AASS: variants seen among roughly 807,000 people sequenced by gnomAD.
AASS encodes the protein aminoadipate-semialdehyde synthase.
In AASS, 86 loss-of-function variants were observed where a neutral mutation model predicts 105.4. The observed-to-expected ratio is 0.82, with a 90% CI of 0.69 to 0.98. The LOEUF (loss-of-function observed/expected upper bound fraction) is 0.98, where lower values mean the gene tolerates loss of function less well. Ranked by LOEUF, AASS falls within the 50% of genes least tolerant of loss-of-function variation. The pLI is 0.00. For synonymous variants in AASS, 381 were observed against 394.8 expected (o/e 0.96, Z 0.41); for missense variants, 1,048 against 1,143.2 (o/e 0.92, Z 1.20).
Position 122,074,605 on chromosome 7 carries a change from T to C in AASS, c.*1884A>G, listed in dbSNP as rs1317228052. Reference sequence around the variant, plus strand: ...TTTTCTTTGAAGATACTTACAATATTAGCTCTTACATTTAGATCTTAGGTC... The same window carrying C: ...TTTTCTTTGAAGATACTTACAATATCAGCTCTTACATTTAGATCTTAGGTC... On this transcript the variant is annotated 3_prime_UTR_variant, in exon 24 of 24. Coordinates refer to ENST00000417368, the MANE Select transcript of AASS (RefSeq NM_005763.4). 6.6e-6 allele frequency among the ~76,000 whole-genome samples: 1 copy of C among 152,214 alleles called. No homozygotes were observed. The highest frequency in any genetic ancestry group is 2.4e-5 in the African/African-American group (1 of 41,456).
intron 8 of AASS, among the ~76,000 whole-genome samples, chr7:122,116,329 A>T (rs1795171047): frequency 6.6e-6 from 1 of 152,226 alleles, no homozygotes; most frequent in Admixed American, 6.5e-5. Context: ...TAACTAGTCC[A>T]GGATAAATAC....
At chr7:122,131,642 GT>G (rs1795922974) in intron 2 of AASS, among the ~76,000 whole-genome samples, 2 of 151,932 alleles carry the variant, frequency 1.3e-5, no homozygotes, top group African/African-American at 4.8e-5. Flanking sequence ...GTGGGCAACT[GT>G]TTGTGTATAT....
chr7:122,081,650 C>T (rs2150508707), intron 19 of AASS, 55 bp from the exon 20 acceptor site: 1 of 1,292,518 alleles, frequency 7.7e-7, no homozygotes, highest in Non-Finnish European at 1.1e-6. Flanking sequence ...AATGAAAAAA[C>T]TTAAAATATT....
intron 1 of AASS, among the ~76,000 whole-genome samples, chr7:122,135,677 CT>C (rs1229277718): frequency 6.6e-6 from 1 of 152,188 alleles, no homozygotes; most frequent in Non-Finnish European, 1.5e-5. Flanking sequence ...TCTTGTCCCC[CT>C]AGTCCCAGAA....
intron 13 of AASS, among the ~76,000 whole-genome samples, chr7:122,100,818 T>C (rs955482553): frequency 2.6e-5 from 4 of 151,896 alleles, no homozygotes; most frequent in African/African-American, 9.7e-5. Context: ...ACTATTCTCT[T>C]GAGTAGATTT....
intron 11 of AASS, among the ~76,000 whole-genome samples, chr7:122,110,398 C>T (rs1794876210): frequency 2.0e-5 from 3 of 150,982 alleles, no homozygotes; most frequent in Non-Finnish European, 3.0e-5. Flanking sequence ...AGAAAATAAG[C>T]ATACCAAAAT....
intron 11 of AASS, among the ~76,000 whole-genome samples, chr7:122,108,835 A>C (rs1457348387): frequency 6.6e-6 from 1 of 152,062 alleles, no homozygotes; most frequent in Non-Finnish European, 1.5e-5. Flanking sequence ...AAAAGAAAAC[A>C]AAGGTACCCA....
intron 8 of AASS, among the ~76,000 whole-genome samples, chr7:122,115,786 G>A (rs1334936948): frequency 6.6e-6 from 1 of 152,162 alleles, no homozygotes; most frequent in African/African-American, 2.4e-5. Flanking sequence ...TGTGATTGGG[G>A]AAATGAGAAG....
At chr7:122,084,971 T>C (rs952534215) in intron 19 of AASS, among the ~76,000 whole-genome samples, 3 of 152,108 alleles carry the variant, frequency 2.0e-5, no homozygotes, top group African/African-American at 7.2e-5. Context: ...GTCGCCAAAT[T>C]CATGGGCATC....
intron 20 of AASS, among the ~76,000 whole-genome samples, chr7:122,080,612 A>C (rs2150507953): frequency 6.6e-6 from 1 of 152,262 alleles, no homozygotes; most frequent in East Asian, 1.9e-4. Context: ...AATGAATGTA[A>C]AAGCAACTGG....
chr7:122,092,710 GCAAAACTCAGTCT>G (rs1426642907), intron 17 of AASS, 120 bp downstream of exon 17: 1 of 768,258 alleles, frequency 1.3e-6, no homozygotes, highest in African/African-American at 1.8e-5. Context: ...GGCAACAAGA[GCAAAACTCAGTCT>G]CAAAAAAAAA....
chr7:122,120,806 C>T (rs1201844614), intron 4 of AASS, among the ~76,000 whole-genome samples: 2 of 151,802 alleles, frequency 1.3e-5, no homozygotes, highest in Admixed American at 6.6e-5. Flanking sequence ...CTTCTTAATC[C>T]ATCAGTTATT....
At chr7:122,130,644 A>G (rs1196474146) in intron 2 of AASS, among the ~76,000 whole-genome samples, 1 of 151,996 alleles carries the variant, frequency 6.6e-6, no homozygotes, top group Admixed American at 6.6e-5. Context: ...ATTTTTAAAT[A>G]AAGAGGTATA....
chr7:122,116,834 T>C, intron 7 of AASS, 45 bp downstream of exon 7: 2 of 1,610,384 alleles, frequency 1.2e-6, no homozygotes, highest in African/African-American at 1.3e-5. Context: ...TATTATAACA[T>C]AGACTGTTAA....
At chr7:122,091,026 T>C (rs1446342023) in intron 18 of AASS, among the ~76,000 whole-genome samples, 2 of 152,118 alleles carry the variant, frequency 1.3e-5, no homozygotes, top group African/African-American at 4.8e-5. Flanking sequence ...AATTTCCCTA[T>C]TAAATTATAA....
chr7:122,133,385 G>A (rs1584899457), intron 2 of AASS, 132 bp downstream of exon 2: 2 of 1,062,420 alleles, frequency 1.9e-6, no homozygotes, highest in East Asian at 2.6e-5. Context: ...AGCATAGGGT[G>A]AAAATAATAC....
At chr7:122,134,937 T>C (rs1394223017) in intron 1 of AASS, among the ~76,000 whole-genome samples, 1 of 152,138 alleles carries the variant, frequency 6.6e-6, no homozygotes, top group African/African-American at 2.4e-5. Context: ...TGGAATACTA[T>C]GCAGCCATAA....
At chr7:122,077,315 T>C (rs1481789766) in intron 23 of AASS, among the ~76,000 whole-genome samples, 1 of 152,210 alleles carries the variant, frequency 6.6e-6, no homozygotes, top group Non-Finnish European at 1.5e-5. Context: ...GTCTAAAATA[T>C]TTATTGAGTA....
At chr7:122,123,022 GC>G (rs1795506387) in intron 4 of AASS, among the ~76,000 whole-genome samples, 5 of 152,132 alleles carry the variant, frequency 3.3e-5, no homozygotes, top group Admixed American at 3.3e-4. Flanking sequence ...ATCCCTGAAA[GC>G]CTTATACATT....
Sources: gnomAD v4.1 joint callset for allele counts (sites outside exome capture counted in the v4.1 genomes callset) on GRCh38, gnomAD v4.1.1 for gene constraint, MANE v1.5 for transcripts, NCBI Gene and HGNC (gene_info 2026-07-23, HGNC 2026-07-21) for gene names.